GABBR2: variants seen among roughly 807,000 people sequenced by gnomAD.
The protein encoded by GABBR2 is G-protein coupled receptor 51.
GABBR2 carries 23 observed loss-of-function variants against 105.6 expected under a neutral mutation model. The ratio of observed to expected loss-of-function variants is 0.22; its 90% CI spans 0.16 to 0.31. GABBR2 has a LOEUF of 0.31. Ranked by LOEUF, GABBR2 falls within the 10% of genes least tolerant of loss-of-function variation. The pLI is 1.00. For synonymous variants in GABBR2, 478 were observed against 499.7 expected (o/e 0.96, Z 0.58); for missense variants, 734 against 1,245.5 (o/e 0.59, Z 6.18).
chr9:98,443,256 C>A (rs527585500), intron 7 of GABBR2, among the ~76,000 whole-genome samples: 7 of 152,302 alleles, frequency 4.6e-5, no homozygotes, highest in African/African-American at 1.7e-4. Context: ...ACAGAGCCTG[C>A]ACCTTCTGTT....
chr9:98,549,751 C>T (rs547905322), intron 2 of GABBR2, among the ~76,000 whole-genome samples: 20 of 152,204 alleles, frequency 1.3e-4, no homozygotes, highest in Non-Finnish European at 2.2e-4. Context: ...AGCAGTTGCC[C>T]AGGGAGTCTT....
chr9:98,620,128 T>C (rs1257888651), intron 1 of GABBR2, among the ~76,000 whole-genome samples: 1 of 152,238 alleles, frequency 6.6e-6, no homozygotes, highest in East Asian at 1.9e-4. Context: ...AACCCCTTGA[T>C]TTATTTTCTC....
intron 1 of GABBR2, among the ~76,000 whole-genome samples, chr9:98,658,608 G>A (rs993357589): frequency 6.6e-6 from 1 of 152,206 alleles, no homozygotes. Flanking sequence ...CTTATTCAAT[G>A]TGGCATCTTA....
chr9:98,607,899 G>GT, intron 1 of GABBR2: 2 of 1,437,430 alleles, frequency 1.4e-6, no homozygotes, highest in Non-Finnish European at 1.9e-6. Flanking sequence ...AGATGGAGCA[G>GT]GTGTTTGAGA....
At chr9:98,514,174 T>C (rs1588206373) in intron 3 of GABBR2, among the ~76,000 whole-genome samples, 2 of 132,352 alleles carry the variant, frequency 1.5e-5, no homozygotes, top group African/African-American at 5.3e-5. Flanking sequence ...AAACACCGCA[T>C]ATTCTCACTC....
intron 2 of GABBR2, among the ~76,000 whole-genome samples, chr9:98,553,612 C>T (rs1171287695): frequency 6.6e-6 from 1 of 152,082 alleles, no homozygotes; most frequent in Non-Finnish European, 1.5e-5. Flanking sequence ...AAAAAAGAGG[C>T]AAAGCTGGGA....
chr9:98,526,879 G>A (rs1943108368), intron 3 of GABBR2, among the ~76,000 whole-genome samples: 1 of 151,968 alleles, frequency 6.6e-6, no homozygotes, highest in African/African-American at 2.4e-5. Flanking sequence ...TACAAACACT[G>A]AGTAAATAAA....
chr9:98,576,881 G>GT (rs1328701516), intron 2 of GABBR2, among the ~76,000 whole-genome samples: 22 of 141,276 alleles, frequency 1.6e-4, no homozygotes, highest in African/African-American at 5.3e-4. Flanking sequence ...TCCAGGCACA[G>GT]AGTAAGTTGC....
intron 5 of GABBR2, among the ~76,000 whole-genome samples, chr9:98,479,745 G>T (rs1472774046): frequency 6.6e-6 from 1 of 152,172 alleles, no homozygotes; most frequent in East Asian, 1.9e-4. Context: ...CCCTGCCCTG[G>T]GTGTAGACAT....
intron 13 of GABBR2, among the ~76,000 whole-genome samples, chr9:98,359,844 G>A (rs1831552019): frequency 6.6e-6 from 1 of 152,216 alleles, no homozygotes; most frequent in Admixed American, 6.5e-5. Flanking sequence ...TGCTTGCTGG[G>A]AGTCCTGACT....
chr9:98,319,389 T>C (rs73492808), intron 13 of GABBR2, among the ~76,000 whole-genome samples: 14,710 of 151,886 alleles, frequency 0.097, 799 homozygotes, highest in South Asian at 0.12. Context: ...GCAACAAAGC[T>C]AGAAGCTGTC....
intron 1 of GABBR2, among the ~76,000 whole-genome samples, chr9:98,637,321 T>G (rs1231630038): frequency 6.6e-6 from 1 of 152,146 alleles, no homozygotes; most frequent in Non-Finnish European, 1.5e-5. Context: ...AAGCCCTTTC[T>G]TGTGTTCCTG....
At chr9:98,703,011 C>T (rs1006531031) in intron 1 of GABBR2, among the ~76,000 whole-genome samples, 2 of 152,228 alleles carry the variant, frequency 1.3e-5, no homozygotes, top group Non-Finnish European at 2.9e-5. Flanking sequence ...AGTTCTAGGC[C>T]TGTCCCATCA....
At chr9:98,650,544 CAAAT>C (rs917930304) in intron 1 of GABBR2, among the ~76,000 whole-genome samples, 1 of 151,706 alleles carries the variant, frequency 6.6e-6, no homozygotes, top group African/African-American at 2.4e-5. Flanking sequence ...GTTTCATCAA[CAAAT>C]AAATTCCAAC....
chr9:98,655,840 T>TG (rs754699054), intron 1 of GABBR2, among the ~76,000 whole-genome samples: 1 of 151,992 alleles, frequency 6.6e-6, no homozygotes, highest in Non-Finnish European at 1.5e-5. Context: ...CTTTTGGGGA[T>TG]GGGGGGCTAC....
At chr9:98,576,385 T>G (rs1828907748) in intron 2 of GABBR2, among the ~76,000 whole-genome samples, 1 of 152,218 alleles carries the variant, frequency 6.6e-6, no homozygotes, top group Non-Finnish European at 1.5e-5. Flanking sequence ...CTTCACCCAG[T>G]GGTCTCCTTC....
intron 1 of GABBR2, among the ~76,000 whole-genome samples, chr9:98,681,167 C>T (rs1365861129): frequency 6.8e-6 from 1 of 146,836 alleles, no homozygotes; most frequent in Non-Finnish European, 1.5e-5. Flanking sequence ...GCATTATTCA[C>T]AATAGCAAAG....
chr9:98,430,111 C>T (rs113482745), intron 7 of GABBR2, among the ~76,000 whole-genome samples: 9 of 152,034 alleles, frequency 5.9e-5, no homozygotes, highest in African/African-American at 2.2e-4. Context: ...ATGGTGAAAC[C>T]CTGTCTCTAC....
intron 7 of GABBR2, among the ~76,000 whole-genome samples, chr9:98,423,504 A>G (rs1832820864): frequency 6.6e-6 from 1 of 152,152 alleles, no homozygotes; most frequent in African/African-American, 2.4e-5. Context: ...TCTGGATATT[A>G]GCCCTTTGTC....
Sources: allele counts gnomAD v4.1 joint callset (sites outside exome capture counted in the v4.1 genomes callset), GRCh38; gene constraint gnomAD v4.1.1; transcripts MANE v1.5; gene names NCBI Gene and HGNC (gene_info 2026-07-23, HGNC 2026-07-21).